Variants in HTR6 observed in about 807,000 individuals in gnomAD.
HTR6 encodes the protein 5-hydroxytryptamine (serotonin) receptor 6, G protein-coupled.
A neutral mutation model predicts 17.4 loss-of-function variants in HTR6; 15 were observed. That is an observed-to-expected ratio of 0.86 (90% CI 0.58 to 1.33). HTR6 has a LOEUF of 1.33. Ranked by LOEUF, HTR6 falls within the 40% of genes most tolerant of loss-of-function variation. The pLI is 0.00. For synonymous variants in HTR6, 326 were observed against 295.5 expected, an observed-to-expected ratio of 1.10 and a Z score of -1.06; for missense variants, 578 against 616.0, an observed-to-expected ratio of 0.94 and a Z score of 0.65.
intron 1 of HTR6, among the ~76,000 whole-genome samples, chr1:19,671,988 TG>T (rs1399135594): frequency 1.3e-5 from 2 of 151,526 alleles, no homozygotes; most frequent in African/African-American, 2.4e-5. Context: ...GTGTGTGTGT[TG>T]GGAGCAGGGT....
rs567588267 is a variant in HTR6 at position 19,666,987 on chromosome 1, A to G, written c.714+520A>G. ...TGGAGCACTTAAAAAAGAAGTGATC[A>G]TGTCACTCCCCTGCTTCAGACTCTT... is the stretch of plus-strand genomic sequence containing the variant. On this transcript the variant is annotated intron_variant, in intron 1 of 2. Coordinates refer to ENST00000289753, the MANE Select transcript of HTR6 (RefSeq NM_000871.3). The surrounding 1 kb of genome is among the most constrained non-coding windows in gnomAD (Gnocchi z 4.5). Among the ~76,000 whole-genome samples, 1 of 151,904 alleles carries G rather than the reference A, an allele frequency of 6.6e-6. No homozygotes were observed. Among genetic ancestry groups the G allele is most frequent in the Non-Finnish European group, 1.5e-5 (1 of 67,970 alleles).
intron 1 of HTR6, among the ~76,000 whole-genome samples, chr1:19,672,279 C>T (rs1008445156): frequency 8.5e-5 from 13 of 152,068 alleles, no homozygotes; most frequent in African/African-American, 3.1e-4. Flanking sequence ...GTCTTCCCCT[C>T]CCCCTTCTCC....
intron 1 of HTR6, among the ~76,000 whole-genome samples, chr1:19,677,901 G>A (rs1260432299): frequency 6.6e-6 from 1 of 152,144 alleles, no homozygotes; most frequent in Non-Finnish European, 1.5e-5. Context: ...CACCACGCCT[G>A]GCTAATTTTT....
chr1:19,672,722 G>A (rs991680534), intron 1 of HTR6, among the ~76,000 whole-genome samples: 3 of 152,150 alleles, frequency 2.0e-5, no homozygotes, highest in Admixed American at 2.0e-4. Flanking sequence ...TAAAATACCA[G>A]GCACATAGTA....
In HTR6 at chr1:19,666,203, C is replaced by A. The variant is rs1453755106; in HGVS notation, c.450C>A (p.Ala150=). 2 of 1,609,770 alleles carry A rather than the reference C, an allele frequency of 1.2e-6. No individual in the cohort carries two copies. The highest frequency in any genetic ancestry group is 2.2e-5 in the South Asian group (2 of 91,064). ...PLRALALVLG[A]WSLAALASFL... ...GTGCCCTGGCCCTAGTCCTGGGCGC[C>A]TGGAGCCTCGCCGCTCTCGCCTCCT... Residue 150 remains alanine, a synonymous_variant, in exon 1 of 3, where the codon GCC becomes GCA. Transcript: ENST00000289753. The surrounding 1 kb of genome is among the most constrained non-coding windows in gnomAD (Gnocchi z 4.5).
At chr1:19,667,992 T>G (rs1181208845) in intron 1 of HTR6, among the ~76,000 whole-genome samples, 2 of 152,182 alleles carry the variant, frequency 1.3e-5, no homozygotes, top group African/African-American at 2.4e-5. Flanking sequence ...GCTAACACCC[T>G]CCTTGGCAGT....
chr1:19,673,152 A>C (rs6699866), intron 1 of HTR6, among the ~76,000 whole-genome samples: 117,770 of 152,202 alleles, frequency 0.77, 45,908 homozygotes, highest in Non-Finnish European at 0.8. Flanking sequence ...TAATGACAAC[A>C]ATAGCTAACA....
At chr1:19,672,901 A>G (rs1449587178) in intron 1 of HTR6, among the ~76,000 whole-genome samples, 1 of 152,188 alleles carries the variant, frequency 6.6e-6, no homozygotes. Flanking sequence ...GCCTGGTGGC[A>G]CATACCTTTA....
intron 2 of HTR6, 95 bp downstream of exon 2, chr1:19,678,820 C>G: frequency 6.4e-7 from 1 of 1,558,058 alleles, no homozygotes; most frequent in Non-Finnish European, 8.7e-7. Flanking sequence ...TAGGCTGCCT[C>G]TCGTGGTGCG....
rs2095080059 is a variant in HTR6, at chr1:19,665,460, G to A, written c.-294G>A. ...CTTGACTTCCCGCCGCTTCCTTCAG[G>A]GGCCTCGGCTCATCGGGTGCCCCTC... On this transcript the variant is annotated 5_prime_UTR_variant, in exon 1 of 3. Coordinates refer to ENST00000289753, the MANE Select transcript of HTR6 (RefSeq NM_000871.3). This position sits in a 1 kb window ranked among gnomAD's most constrained non-coding sequence, Gnocchi z 4.2. The A allele has an allele frequency of 5.8e-6, 2 of 345,452 alleles. No individual in the cohort carries two copies. Among genetic ancestry groups the A allele is most frequent in the Non-Finnish European group, 1.0e-5 (2 of 193,938 alleles). 21.4% of individuals were successfully genotyped at this position (345,452 alleles called of 1,614,324 possible). A position where few individuals can be genotyped will look rare whatever the true frequency, so the allele number is the denominator to read the frequency against.
chr1:19,677,473 G>C (rs554317935), intron 1 of HTR6, among the ~76,000 whole-genome samples: 1 of 152,138 alleles, frequency 6.6e-6, no homozygotes, highest in Non-Finnish European at 1.5e-5. Flanking sequence ...TTTGAGAATG[G>C]AGATGCCTGC....
At chr1:19,674,036 T>G (rs901333281) in intron 1 of HTR6, among the ~76,000 whole-genome samples, 1 of 151,896 alleles carries the variant, frequency 6.6e-6, no homozygotes, top group Non-Finnish European at 1.5e-5. Context: ...CCTGGCTAAT[T>G]TTTGTATTTT....
intron 1 of HTR6, among the ~76,000 whole-genome samples, chr1:19,672,209 C>T (rs1379127513): frequency 6.6e-6 from 1 of 151,952 alleles, no homozygotes; most frequent in East Asian, 1.9e-4. Flanking sequence ...CCTCACCTTC[C>T]TCCCCACTCC....
intron 1 of HTR6, among the ~76,000 whole-genome samples, chr1:19,669,851 G>A (rs1186062850): frequency 6.6e-6 from 1 of 152,142 alleles, no homozygotes; most frequent in East Asian, 1.9e-4. Flanking sequence ...GGCCAGGCTG[G>A]TCTCGAACTC....
chr1:19,673,490 C>T (rs2100473043), intron 1 of HTR6, among the ~76,000 whole-genome samples: 1 of 152,228 alleles, frequency 6.6e-6, no homozygotes, highest in East Asian at 1.9e-4. Context: ...GGGTGGATCA[C>T]CTGAGATCGG....
chr1:19,667,523 C>A (rs1008476417), intron 1 of HTR6, among the ~76,000 whole-genome samples: 5 of 152,136 alleles, frequency 3.3e-5, no homozygotes, highest in South Asian at 4.2e-4. Flanking sequence ...TTAAGCGATT[C>A]TTCTGCCTCA....
In HTR6 at chr1:19,665,416, G is replaced by A. The variant is rs892008554; in HGVS notation, c.-338G>A. Reference sequence around the variant, plus strand: ...CCAGGGGGCTCTGCTCCCACCCCAGGGAGCCCATCCGACCTCTGCTTGACT... The same window carrying A: ...CCAGGGGGCTCTGCTCCCACCCCAGAGAGCCCATCCGACCTCTGCTTGACT... On this transcript the variant is annotated 5_prime_UTR_variant, in exon 1 of 3. Coordinates refer to ENST00000289753, the MANE Select transcript of HTR6 (RefSeq NM_000871.3). This position sits in a 1 kb window ranked among gnomAD's most constrained non-coding sequence, Gnocchi z 4.2. 2 of 247,356 alleles carry A rather than the reference G, an allele frequency of 8.1e-6. No individual in the cohort carries two copies. The highest frequency in any genetic ancestry group is 2.3e-5 in the African/African-American group (1 of 44,422). The allele number at this position is 247,356 out of a possible 1,614,324, so 15.3% of individuals were successfully genotyped here.
rs932388771 is a variant in HTR6 at position 19,666,561 on chromosome 1, T to C, written c.714+94T>C. The C allele has an allele frequency of 7.7e-6, 7 of 912,648 alleles. No homozygotes were observed. In the African/African-American group the frequency reaches 1.2e-4, roughly 15 times the overall value. The allele number at this position is 912,648 out of a possible 1,614,324, so 56.5% of individuals were successfully genotyped here. On this transcript the variant is annotated intron_variant, in intron 1 of 2. Transcript: ENST00000289753. The surrounding 1 kb of genome is among the most constrained non-coding windows in gnomAD (Gnocchi z 4.5). ...TGGGCATCCCCACTTAGCACACATT[T>C]GCTCATGGCCCTGCGTGGCTGTTGT... is the stretch of plus-strand genomic sequence containing the variant.
intron 1 of HTR6, among the ~76,000 whole-genome samples, chr1:19,671,648 C>T (rs2095088024): frequency 1.3e-5 from 2 of 152,126 alleles, no homozygotes; most frequent in African/African-American, 4.8e-5. Context: ...TTCCTGTGCC[C>T]AGCCCCACTT....
Sources: allele counts gnomAD v4.1 joint callset (sites outside exome capture counted in the v4.1 genomes callset), GRCh38; gene constraint gnomAD v4.1.1; non-coding constraint Gnocchi (gnomAD v3.1); transcripts MANE v1.5; gene names NCBI Gene and HGNC (gene_info 2026-07-23, HGNC 2026-07-21).